Variants in PCGF5 observed in about 807,000 individuals in gnomAD.
The protein encoded by PCGF5 is polycomb group ring finger 5, also known as polycomb group RING finger protein 5.
A neutral mutation model predicts 44.3 loss-of-function variants in PCGF5; 9 were observed. The observed-to-expected ratio is 0.20, with a 90% confidence interval of 0.12 to 0.35. PCGF5 has a LOEUF of 0.35. Ranked by LOEUF, PCGF5 falls within the 10% of genes least tolerant of loss-of-function variation. PCGF5 has a pLI of 1.00. For synonymous variants in PCGF5, 95 were observed against 102.5 expected (o/e 0.93, Z 0.44); for missense variants, 146 against 305.3 (o/e 0.48, Z 3.89).
intron 1 of PCGF5, among the ~76,000 whole-genome samples, chr10:91,182,272 C>T (rs1843832699): frequency 6.6e-6 from 1 of 151,878 alleles, no homozygotes; most frequent in South Asian, 2.1e-4. Flanking sequence ...CAGTTTCTTC[C>T]TGGTTCAGTC....
At chr10:91,210,668 G>T (rs980082983) in intron 1 of PCGF5, among the ~76,000 whole-genome samples, 1 of 152,228 alleles carries the variant, frequency 6.6e-6, no homozygotes, top group African/African-American at 2.4e-5. Context: ...GGCTGTTTCA[G>T]TGCCTCTAGT....
intron 2 of PCGF5, among the ~76,000 whole-genome samples, chr10:91,229,291 C>A (rs1405565806): frequency 1.3e-5 from 2 of 152,136 alleles, no homozygotes; most frequent in Non-Finnish European, 2.9e-5. Context: ...ATAGGACAGA[C>A]AGACAATAAG....
At chr10:91,193,485 A>C (rs1350588366) in intron 1 of PCGF5, among the ~76,000 whole-genome samples, 1 of 151,972 alleles carries the variant, frequency 6.6e-6, no homozygotes, top group Non-Finnish European at 1.5e-5. Flanking sequence ...AATGTGTTCT[A>C]GACAGAGAGA....
At chr10:91,260,436 T>G (rs1329132672) in intron 6 of PCGF5, among the ~76,000 whole-genome samples, 2 of 152,150 alleles carry the variant, frequency 1.3e-5, no homozygotes, top group Non-Finnish European at 2.9e-5. Flanking sequence ...GAAATACCAT[T>G]TGACCCAGCC....
intron 3 of PCGF5, among the ~76,000 whole-genome samples, chr10:91,242,148 GT>G (rs1418690761): frequency 6.7e-6 from 1 of 149,944 alleles, no homozygotes; most frequent in African/African-American, 2.5e-5. Flanking sequence ...GACATTTTTG[GT>G]TGTCAGATCT....
chr10:91,207,510 G>C (rs974287771), intron 1 of PCGF5, among the ~76,000 whole-genome samples: 7 of 151,978 alleles, frequency 4.6e-5, no homozygotes, highest in African/African-American at 1.5e-4. Flanking sequence ...AATACTTCAG[G>C]TTGTATCACC....
chr10:91,159,302 AC>A (rs1187338597), upstream of PCGF5, among the ~76,000 whole-genome samples: 18 of 152,130 alleles, frequency 1.2e-4, no homozygotes, highest in African/African-American at 4.1e-4. Flanking sequence ...GGCACCTATA[AC>A]ATGTCTATAA....
At chr10:91,227,767 C>T (rs1344900273) in intron 2 of PCGF5, 1 of 998,116 alleles carries the variant, frequency 1.0e-6, no homozygotes, top group African/African-American at 1.7e-5. Flanking sequence ...TCCTCCCCTA[C>T]CACCTAACAC....
At chr10:91,177,542 G>A (rs758226626) in intron 1 of PCGF5, among the ~76,000 whole-genome samples, 7 of 152,208 alleles carry the variant, frequency 4.6e-5, no homozygotes, top group East Asian at 1.9e-4. Flanking sequence ...CTTGAGCTGC[G>A]GTGGGCTCCA....
chr10:91,195,401 A>G (rs1844110031), intron 1 of PCGF5, among the ~76,000 whole-genome samples: 1 of 151,616 alleles, frequency 6.6e-6, no homozygotes, highest in Non-Finnish European at 1.5e-5. Context: ...CTTGCCTTAG[A>G]GGGTTAATAA....
intron 1 of PCGF5, among the ~76,000 whole-genome samples, chr10:91,190,630 T>G (rs1254609790): frequency 6.6e-6 from 1 of 152,210 alleles, no homozygotes; most frequent in Non-Finnish European, 1.5e-5. Flanking sequence ...ACATTGATGC[T>G]CTCCCATTGA....
chr10:91,239,454 G>A (rs1845265425), intron 2 of PCGF5, among the ~76,000 whole-genome samples: 2 of 152,166 alleles, frequency 1.3e-5, no homozygotes, highest in Admixed American at 1.3e-4. Flanking sequence ...AAGAATCCTA[G>A]TGTTTAGTTT....
upstream of PCGF5, among the ~76,000 whole-genome samples, chr10:91,216,519 C>T (rs1214067093): frequency 6.6e-6 from 1 of 152,066 alleles, no homozygotes; most frequent in Non-Finnish European, 1.5e-5. Context: ...TTTTTAAAGC[C>T]AGAGAGCAGC....
intron 3 of PCGF5, among the ~76,000 whole-genome samples, chr10:91,242,523 T>G (rs1225931822): frequency 2.0e-5 from 3 of 152,160 alleles, no homozygotes; most frequent in African/African-American, 7.2e-5. Context: ...TTCTGACCAT[T>G]AGATACCTGA....
rs1323156954 is a variant in PCGF5 at position 91,274,072 on chromosome 10, C to T, written c.723+2375C>T. Among the ~76,000 whole-genome samples the T allele has an allele frequency of 3.3e-5, 5 of 151,894 alleles. No individual in the cohort carries two copies. In the South Asian group the frequency reaches 1.0e-3, roughly 32 times the overall value. Reference sequence around the variant, plus strand: ...TTTGCCACATTTTTTGCCTCCTCTTCCCCTCTCTTTCTCTTCTCATCTCCT... The same window carrying T: ...TTTGCCACATTTTTTGCCTCCTCTTTCCCTCTCTTTCTCTTCTCATCTCCT... On this transcript the variant is annotated intron_variant, in intron 9 of 9. Coordinates refer to ENST00000336126, the MANE Select transcript of PCGF5 (RefSeq NM_032373.5).
intron 6 of PCGF5, among the ~76,000 whole-genome samples, chr10:91,257,102 T>A (rs182333030): frequency 6.6e-6 from 1 of 152,138 alleles, no homozygotes; most frequent in Admixed American, 6.6e-5. Flanking sequence ...AGAACTCTTA[T>A]AAATCAACAA....
At chr10:91,263,292 T>C (rs900024730) in intron 7 of PCGF5, among the ~76,000 whole-genome samples, 1 of 150,346 alleles carries the variant, frequency 6.7e-6, no homozygotes, top group African/African-American at 2.5e-5. Context: ...TTACTTTGCT[T>C]ATGAATTAAT....
chr10:91,199,450 C>A (rs759923785), intron 1 of PCGF5, among the ~76,000 whole-genome samples: 1 of 152,216 alleles, frequency 6.6e-6, no homozygotes, highest in Non-Finnish European at 1.5e-5. Context: ...TCAGTCCTTG[C>A]ATCCTTGGGA....
At chr10:91,156,735 C>T in the PCGF5 span, among the ~76,000 whole-genome samples, 1 of 152,172 alleles carries the variant, frequency 6.6e-6, no homozygotes, top group Non-Finnish European at 1.5e-5. Flanking sequence ...ATCCTTCCTA[C>T]CTCTCTTTGG....
Sources: gnomAD v4.1 joint callset for allele counts (sites outside exome capture counted in the v4.1 genomes callset) on GRCh38, gnomAD v4.1.1 for gene constraint, MANE v1.5 for transcripts, NCBI Gene and HGNC (gene_info 2026-07-23, HGNC 2026-07-21) for gene names.